NUP43: variants seen among roughly 807,000 people sequenced by gnomAD.
NUP43 encodes the protein nucleoporin Nup43.
A neutral mutation model predicts 47.3 loss-of-function variants in NUP43; 32 were observed. The observed-to-expected ratio is 0.68, with a 90% confidence interval of 0.51 to 0.91. The LOEUF is 0.91. NUP43 is among the 40% of genes least tolerant of loss of function. NUP43 has a pLI of 0.00. For missense variants in NUP43, 444 were observed against 453.9 expected, an observed-to-expected ratio of 0.98 and a Z score of 0.20; for synonymous variants, 147 against 158.4, an observed-to-expected ratio of 0.93 and a Z score of 0.54.
chr6:149,748,792 G>C (rs1306286805), upstream of NUP43, among the ~76,000 whole-genome samples: 2 of 132,752 alleles, frequency 1.5e-5, no homozygotes, highest in Non-Finnish European at 3.1e-5. Flanking sequence ...CTGGGCGACA[G>C]AGCGAGACTC....
At chr6:149,748,758 G>C (rs1456570094), upstream of NUP43, among the ~76,000 whole-genome samples, 1 of 145,220 alleles carries the variant, frequency 6.9e-6, no homozygotes, top group African/African-American at 2.6e-5. Context: ...GCAGTGAGCC[G>C]AGATCGCGCC....
At chr6:149,737,773 C>T (rs1338956462) in intron 5 of NUP43, among the ~76,000 whole-genome samples, 1 of 152,038 alleles carries the variant, frequency 6.6e-6, no homozygotes, top group Non-Finnish European at 1.5e-5. Flanking sequence ...CTCCTGCAAA[C>T]TCTGGCTCCC....
chr6:149,735,497 C>G lies in NUP43; in HGVS notation c.790+974G>C, dbSNP rs1458352985. Reference sequence around the variant, plus strand: ...ATGGGCATAATGGCTATGCCCAGCACTTTGGGAGAATCGTGTAAGTCCAGG... The same window carrying G: ...ATGGGCATAATGGCTATGCCCAGCAGTTTGGGAGAATCGTGTAAGTCCAGG... On this transcript the variant is annotated intron_variant, in intron 6 of 7. Transcript: ENST00000340413. Among the ~76,000 whole-genome samples the G allele has an allele frequency of 4.8e-5, 7 of 145,388 alleles. No homozygotes were observed. In the East Asian group the frequency reaches 1.5e-3, roughly 31 times the overall value.
rs771383623 is a variant in NUP43, at chr6:149,727,051, T to C, written c.1061A>G (p.Asn354Ser). ...ACAAGGACCTAAAACATCCAAAGTGTTCACAGACAGAGACCTACTGGGAAG... is the reference window on the plus strand; with the variant it reads ...ACAAGGACCTAAAACATCCAAAGTGCTCACAGACAGAGACCTACTGGGAAG... ...SLLPSRSLSV[N>S]TLDVLGPCLV... The change falls in exon 8 of 8, where the codon AAC (asparagine) becomes AGC (serine). Residue 354 changes from asparagine (N) to serine (S), a missense_variant. Transcript: ENST00000340413. 2.5e-6 allele frequency: 4 copies of C among 1,614,018 alleles called. No individual in the cohort carries two copies. The highest frequency in any genetic ancestry group is 4.5e-5 in the East Asian group (2 of 44,894).
chr6:149,731,776 C>A, intron 6 of NUP43, 41 bp from the exon 7 acceptor site: 2 of 1,603,492 alleles, frequency 1.2e-6, no homozygotes, highest in South Asian at 1.1e-5. Context: ...TGTGCAGATT[C>A]GCTGAACAAA....
At position 149,739,553 on chromosome 6, in the gene NUP43, C is replaced by G. The variant is rs115722206; in HGVS notation, c.503-775G>C. 1.8e-3 allele frequency among the ~76,000 whole-genome samples: 278 copies of G among 152,318 alleles called. 1 individual carries two copies. The highest frequency in any genetic ancestry group is 5.2e-3 in the African/African-American group (215 of 41,586). ...CCGCCTCACTCAGCCTCCCAAAGTG[C>G]TAGAATTACAGGCATGACCCACCAG... On this transcript the variant is annotated intron_variant, in intron 4 of 7. Coordinates refer to ENST00000340413, the MANE Select transcript of NUP43 (RefSeq NM_198887.3).
chr6:149,745,997 T>C lies in NUP43; in HGVS notation c.186A>G (p.Glu62=). The C allele has an allele frequency of 6.2e-7, 1 of 1,613,570 alleles. No individual in the cohort carries two copies. Among genetic ancestry groups the C allele is most frequent in the Non-Finnish European group, 8.5e-7 (1 of 1,179,548 alleles). The change falls in exon 2 of 8, where the codon GAA becomes GAG. Residue 62 remains glutamate, a synonymous_variant. Coordinates refer to ENST00000340413, the MANE Select transcript of NUP43 (RefSeq NM_198887.3). Reference sequence around the variant, plus strand: ...TATCACACAATAACTGATGGTCTCCTTCAAACCCTCCATCAGAGTCCAAGT... The same window carrying C: ...TATCACACAATAACTGATGGTCTCCCTCAAACCCTCCATCAGAGTCCAAGT... ...FGNLDSDGGF[E]GDHQLLCDIR... is the part of the protein sequence containing the mutation.
chr6:149,749,060 A>G (rs149091774), upstream of NUP43, among the ~76,000 whole-genome samples: 411 of 152,132 alleles, frequency 2.7e-3, 2 homozygotes, highest in African/African-American at 9.2e-3. Flanking sequence ...GTATTTTTTA[A>G]CCAATCGCAA....
At chr6:149,734,524 G>A (rs1043515480) in intron 6 of NUP43, among the ~76,000 whole-genome samples, 16 of 151,780 alleles carry the variant, frequency 1.1e-4, no homozygotes, top group African/African-American at 3.2e-4. Context: ...AGGGCCGGGC[G>A]CAGTGGCTCA....
Position 149,745,987 on chromosome 6 carries a change from G to A in NUP43, c.196C>T (p.Gln66Ter). ...TGGTGTCTGATATCACACAATAACT[G>A]ATGGTCTCCTTCAAACCCTCCATCA... is the stretch of plus-strand genomic sequence containing the variant. ...DSDGGFEGDH[Q>*]LLCDIRHHGD... The change falls in exon 2 of 8, where the codon CAG becomes TAG. Residue 66 changes from glutamine to a stop codon, truncating the protein, a stop_gained. Transcript: ENST00000340413. LOFTEE classifies it high-confidence loss of function. 6.2e-7 allele frequency: 1 copy of A among 1,613,186 alleles called. No homozygotes were observed.
chr6:149,745,849 G>A, intron 2 of NUP43, 91 bp downstream of exon 2: 1 of 1,140,412 alleles, frequency 8.8e-7, no homozygotes, highest in Non-Finnish European at 1.2e-6. Context: ...TAAACGAGGG[G>A]TGACACCAGA....
At chr6:149,742,242 T>A (rs1562382902) in intron 4 of NUP43, 148 bp downstream of exon 4, 2 of 642,484 alleles carry the variant, frequency 3.1e-6, no homozygotes, top group Admixed American at 2.5e-5. Context: ...GTCAGGCTGG[T>A]CTCGGACTCC....
chr6:149,748,867 T>C (rs1786167374), upstream of NUP43, among the ~76,000 whole-genome samples: 1 of 149,588 alleles, frequency 6.7e-6, no homozygotes, highest in African/African-American at 2.5e-5. Context: ...CTGGATTCTG[T>C]CAGTCTCAGG....
At chr6:149,743,781 A>G (rs1279829029) in intron 2 of NUP43, 66 bp from the exon 3 acceptor site, 1 of 922,224 alleles carries the variant, frequency 1.1e-6, no homozygotes. Context: ...CCATTTGTTT[A>G]TTTAACTCAA....
chr6:149,728,188 C>T (rs1200719519), intron 7 of NUP43: 1 of 984,736 alleles, frequency 1.0e-6, no homozygotes, highest in African/African-American at 1.7e-5. Context: ...CTGTCCATGA[C>T]TAAATATGTC....
chr6:149,733,516 G>C (rs1254863687), intron 6 of NUP43, among the ~76,000 whole-genome samples: 3 of 151,182 alleles, frequency 2.0e-5, no homozygotes, highest in Admixed American at 6.6e-5. Context: ...CATGGTCATG[G>C]CTCACTGCAG....
At chr6:149,747,765 A>T (rs1272616001), upstream of NUP43, among the ~76,000 whole-genome samples, 4 of 152,210 alleles carry the variant, frequency 2.6e-5, no homozygotes, top group African/African-American at 9.6e-5. Flanking sequence ...ATTTCTTTAA[A>T]AAGGGCCATT....
intron 4 of NUP43, among the ~76,000 whole-genome samples, chr6:149,739,737 T>C (rs1007096387): frequency 6.6e-6 from 1 of 152,126 alleles, no homozygotes; most frequent in Admixed American, 6.6e-5. Context: ...TCCATTCTAT[T>C]GAGCCAAACT....
chr6:149,748,791 A>G (rs190529002), upstream of NUP43, among the ~76,000 whole-genome samples: 128 of 143,166 alleles, frequency 8.9e-4, 1 homozygote, highest in African/African-American at 3.2e-3. Flanking sequence ...TCTGGGCGAC[A>G]GAGCGAGACT....
Sources: gnomAD v4.1 joint callset for allele counts (sites outside exome capture counted in the v4.1 genomes callset) on GRCh38, gnomAD v4.1.1 for gene constraint, MANE v1.5 for transcripts, NCBI Gene and HGNC (gene_info 2026-07-23, HGNC 2026-07-21) for gene names.